DPY30: variants seen among roughly 807,000 people sequenced by gnomAD.
The protein encoded by DPY30 is dpy-30 histone methyltransferase complex regulatory subunit.
Under a neutral mutation model 16.2 loss-of-function variants are expected in DPY30, and 6 were observed. The observed-to-expected ratio is 0.37, with a 90% confidence interval of 0.20 to 0.73. The LOEUF is 0.73. Among genes scored for constraint, DPY30 ranks in the 30% least tolerant of loss-of-function variants. The pLI is 0.51. For synonymous variants in DPY30, 39 were observed against 38.8 expected, an observed-to-expected ratio of 1.00 and a Z score of -0.02; for missense variants, 73 against 113.1, an observed-to-expected ratio of 0.65 and a Z score of 1.61.
Position 32,023,953 on chromosome 2 carries a change from A to C in DPY30, c.*231T>G. The C allele has an allele frequency of 7.2e-7, 1 of 1,398,200 alleles. No homozygotes were observed. Among genetic ancestry groups the C allele is most frequent in the Non-Finnish European group, 9.3e-7 (1 of 1,076,016 alleles). 86.6% of individuals were successfully genotyped at this position (1,398,200 alleles called of 1,614,324 possible). A position where few individuals can be genotyped will look rare whatever the true frequency, so the allele number is the denominator to read the frequency against. Reference sequence around the variant, plus strand: ...AAGGTCATTTTAAAAACAAAGTTAAAGACAATCTGAGAAAAAAATTGCACA... The same window carrying C: ...AAGGTCATTTTAAAAACAAAGTTAACGACAATCTGAGAAAAAAATTGCACA... On this transcript the variant is annotated 3_prime_UTR_variant, in exon 5 of 5. Transcript: ENST00000342166.
chr2:32,023,646 G>C, downstream of DPY30: 1 of 1,031,408 alleles, frequency 9.7e-7, no homozygotes, highest in Non-Finnish European at 1.4e-6. Context: ...GCTTTTATTA[G>C]TACTCCAACT....
chr2:32,017,008 G>A (rs531574461), intron 5 of DPY30, among the ~76,000 whole-genome samples: 6 of 151,948 alleles, frequency 3.9e-5, no homozygotes, highest in South Asian at 2.1e-4. Context: ...TCAGCCTCCC[G>A]AGTAGCTGGG....
intron 5 of DPY30, among the ~76,000 whole-genome samples, chr2:32,018,163 G>A (rs1675098955): frequency 6.6e-6 from 1 of 152,030 alleles, no homozygotes; most frequent in South Asian, 2.1e-4. Context: ...TAGGTTGAAT[G>A]TTTTAGAAAG....
downstream of DPY30, among the ~76,000 whole-genome samples, chr2:32,021,365 A>G (rs1675176488): frequency 6.6e-6 from 1 of 151,784 alleles, no homozygotes; most frequent in Admixed American, 6.6e-5. Flanking sequence ...CCTTAACCAC[A>G]GGTATCAGAA....
downstream of DPY30, among the ~76,000 whole-genome samples, chr2:32,020,447 G>A (rs751563102): frequency 2.6e-5 from 4 of 151,854 alleles, no homozygotes; most frequent in Non-Finnish European, 5.9e-5. Flanking sequence ...AGGGCTTCAA[G>A]GTTGCAGTGA....
intron 3 of DPY30, among the ~76,000 whole-genome samples, chr2:32,036,198 A>C (rs532024784): frequency 6.6e-6 from 1 of 151,778 alleles, no homozygotes; most frequent in East Asian, 2.0e-4. Flanking sequence ...GGCTGGTCTT[A>C]AACTCCTAGA....
rs1279748640 is a variant in DPY30 at position 32,037,531 on chromosome 2, A to G, written c.84+1748T>C. Among the ~76,000 whole-genome samples the G allele has an allele frequency of 4.0e-5, 6 of 151,470 alleles. No individual in the cohort carries two copies. The East Asian group carries it at 1.2e-3, about 29-fold the overall frequency. On this transcript the variant is annotated intron_variant, in intron 3 of 4. Transcript: ENST00000342166. ...GGCTGGTTTCAAACTCCTGAGCTCAAGCGATTTAACAGCCACCATGCCCAG... is the reference window on the plus strand; with the variant it reads ...GGCTGGTTTCAAACTCCTGAGCTCAGGCGATTTAACAGCCACCATGCCCAG...
chr2:32,024,149 A>C lies in DPY30; in HGVS notation c.*35T>G. On this transcript the variant is annotated 3_prime_UTR_variant, in exon 5 of 5. Coordinates refer to ENST00000342166, the MANE Select transcript of DPY30 (RefSeq NM_001321209.2). ...CTGCCTCTTAATCATGTAAATCTAC[A>C]GTAGCAACTAAATTTTTCTGTTCTT... is the stretch of plus-strand genomic sequence containing the variant. 1.2e-6 allele frequency: 2 copies of C among 1,600,490 alleles called. No individual in the cohort carries two copies. Among genetic ancestry groups the C allele is most frequent in the Admixed American group, 1.7e-5 (1 of 58,154 alleles).
At position 32,024,154 on chromosome 2, in the gene DPY30, C is replaced by T. The variant is rs1346493570; in HGVS notation, c.*30G>A. On this transcript the variant is annotated 3_prime_UTR_variant, in exon 5 of 5. Transcript: ENST00000342166. Reference sequence around the variant, plus strand: ...TCTTAATCATGTAAATCTACAGTAGCAACTAAATTTTTCTGTTCTTCCCAT... The same window carrying T: ...TCTTAATCATGTAAATCTACAGTAGTAACTAAATTTTTCTGTTCTTCCCAT... 3.1e-6 allele frequency: 5 copies of T among 1,603,162 alleles called. No individual in the cohort carries two copies. The highest frequency in any genetic ancestry group is 4.3e-6 in the Non-Finnish European group (5 of 1,174,460).
chr2:32,023,733 G>A (rs1461879541), downstream of DPY30: 3 of 1,304,302 alleles, frequency 2.3e-6, no homozygotes, highest in East Asian at 1.7e-4. Context: ...GAAAGGTCCA[G>A]AAACAATGCT....
At chr2:32,025,757 C>T (rs1015517655) in intron 4 of DPY30, among the ~76,000 whole-genome samples, 4 of 146,894 alleles carry the variant, frequency 2.7e-5, no homozygotes, top group African/African-American at 7.6e-5. Context: ...AACAAGACTC[C>T]GTCTTGGAAA....
chr2:32,029,523 T>G, intron 4 of DPY30, 71 bp downstream of exon 4: 1 of 1,571,306 alleles, frequency 6.4e-7, no homozygotes, highest in South Asian at 1.1e-5. Context: ...TATACATAAC[T>G]ATGATATTTC....
intron 4 of DPY30, 116 bp downstream of exon 4, chr2:32,029,478 C>G (rs1675452769): frequency 7.9e-7 from 1 of 1,267,038 alleles, no homozygotes; most frequent in African/African-American, 1.5e-5. Flanking sequence ...TTCTTAAAAA[C>G]TTTAACATCC....
At chr2:32,023,201 T>G (rs1052947241), downstream of DPY30, among the ~76,000 whole-genome samples, 3 of 152,054 alleles carry the variant, frequency 2.0e-5, no homozygotes, top group Non-Finnish European at 4.4e-5. Context: ...TGGGGAGAGA[T>G]AATCACTCAT....
chr2:32,019,617 T>A (rs917530707), downstream of DPY30, among the ~76,000 whole-genome samples: 21 of 149,614 alleles, frequency 1.4e-4, no homozygotes, highest in African/African-American at 4.7e-4. Flanking sequence ...AGGTCAGGAG[T>A]TTGAGACCAG....
downstream of DPY30, among the ~76,000 whole-genome samples, chr2:32,019,817 T>C (rs1675137069): frequency 8.4e-6 from 1 of 119,176 alleles, no homozygotes; most frequent in African/African-American, 3.4e-5. Context: ...CAAAACTCCG[T>C]CTCAAAAAAA....
chr2:32,017,814 G>A (rs905221497), intron 5 of DPY30, among the ~76,000 whole-genome samples: 1 of 152,142 alleles, frequency 6.6e-6, no homozygotes, highest in Non-Finnish European at 1.5e-5. Context: ...GCTATGGTCT[G>A]AATGCTGTGT....
At chr2:32,032,611 G>A (rs184647533) in intron 3 of DPY30, among the ~76,000 whole-genome samples, 21 of 152,298 alleles carry the variant, frequency 1.4e-4, no homozygotes, top group Admixed American at 1.2e-3. Flanking sequence ...TGTAATCCCA[G>A]TACTTTGGGA....
downstream of DPY30, chr2:32,023,439 G>A (rs147069533): frequency 2.1e-6 from 1 of 471,352 alleles, no homozygotes; most frequent in Admixed American, 2.3e-5. Flanking sequence ...GTTGTCTTGA[G>A]CATGTCACTT....
Sources: allele counts gnomAD v4.1 joint callset (sites outside exome capture counted in the v4.1 genomes callset), GRCh38; gene constraint gnomAD v4.1.1; transcripts MANE v1.5; gene names NCBI Gene and HGNC (gene_info 2026-07-23, HGNC 2026-07-21).